Variants in TRMT11 observed in about 807,000 individuals in gnomAD.
TRMT11 encodes the protein tRNA methyltransferase 11.
In TRMT11, 53 loss-of-function variants were observed where a neutral mutation model predicts 62.8. That is an observed-to-expected ratio of 0.84 (90% CI 0.68 to 1.06). The LOEUF is 1.06. TRMT11 is among the 50% of genes least tolerant of loss of function. TRMT11 has a pLI of 0.00. For missense variants in TRMT11, 556 were observed against 553.4 expected (o/e 1.00, Z -0.05); for synonymous variants, 188 against 190.3 (o/e 0.99, Z 0.10).
chr6:126,038,441 A>AT (rs759593370), intron 12 of TRMT11, among the ~76,000 whole-genome samples: 2 of 147,952 alleles, frequency 1.4e-5, no homozygotes, highest in East Asian at 3.9e-4. Flanking sequence ...CTGAGGCAAA[A>AT]AAAAAAAAAA....
At chr6:126,046,901 A>G (rs1776076826) in intron 16 of TRMT11, among the ~76,000 whole-genome samples, 1 of 152,208 alleles carries the variant, frequency 6.6e-6, no homozygotes. Context: ...CCAACCAGAA[A>G]GAGCCCCATT....
intron 6 of TRMT11, 42 bp downstream of exon 6, chr6:125,998,726 G>T (rs766209486): frequency 2.5e-6 from 4 of 1,598,360 alleles, no homozygotes; most frequent in Non-Finnish European, 3.4e-6. Flanking sequence ...TTGTTTTTTT[G>T]AAAGCTACTT....
At chr6:126,222,541 T>C in the TRMT11 span, among the ~76,000 whole-genome samples, 1 of 152,198 alleles carries the variant, frequency 6.6e-6, no homozygotes, top group Non-Finnish European at 1.5e-5. Context: ...TGTTTCACCT[T>C]CTCGGTTAGC....
At chr6:126,133,052 A>G (rs368026583) in intron 21 of TRMT11, among the ~76,000 whole-genome samples, 46 of 152,032 alleles carry the variant, frequency 3.0e-4, no homozygotes, top group East Asian at 1.2e-3. Context: ...AACCCATTTT[A>G]TAAGTCTTTT....
At chr6:126,032,717 G>T (rs867071375) in intron 12 of TRMT11, among the ~76,000 whole-genome samples, 11 of 152,088 alleles carry the variant, frequency 7.2e-5, no homozygotes, top group African/African-American at 2.7e-4. Context: ...TTTAATGTCT[G>T]TCTCTCCCAC....
chr6:126,128,010 G>A (rs543086884), intron 21 of TRMT11, among the ~76,000 whole-genome samples: 2 of 152,158 alleles, frequency 1.3e-5, no homozygotes, highest in African/African-American at 2.4e-5. Context: ...TATTGTACGT[G>A]CTTTAGAAAG....
chr6:126,056,718 G>A (rs897725817), intron 17 of TRMT11, among the ~76,000 whole-genome samples: 3 of 152,252 alleles, frequency 2.0e-5, no homozygotes, highest in Non-Finnish European at 4.4e-5. Context: ...TTGAGGCAGA[G>A]CTTGCCATTT....
At chr6:126,239,783 G>C in the TRMT11 span, among the ~76,000 whole-genome samples, 2 of 152,190 alleles carry the variant, frequency 1.3e-5, no homozygotes, top group Non-Finnish European at 2.9e-5. Flanking sequence ...AGTTCTCCTG[G>C]ATAGTATCCT....
chr6:126,247,108 T>C, the TRMT11 span, among the ~76,000 whole-genome samples: 28 of 152,332 alleles, frequency 1.8e-4, no homozygotes, highest in African/African-American at 5.1e-4. Context: ...TGTTCCTCGC[T>C]GTATGGGCTT....
At chr6:126,107,734 C>T (rs1041469318) in intron 17 of TRMT11, among the ~76,000 whole-genome samples, 1 of 152,168 alleles carries the variant, frequency 6.6e-6, no homozygotes, top group Non-Finnish European at 1.5e-5. Flanking sequence ...GCCCAATAAC[C>T]TTTTCCTTAT....
chr6:125,990,066 A>G (rs1790349070), intron 1 of TRMT11, among the ~76,000 whole-genome samples: 1 of 152,168 alleles, frequency 6.6e-6, no homozygotes, highest in South Asian at 2.1e-4. Flanking sequence ...CTCCTCTGCC[A>G]AAATTCTTAT....
At chr6:126,014,760 GT>G (rs914534985) in intron 11 of TRMT11, among the ~76,000 whole-genome samples, 52 of 151,604 alleles carry the variant, frequency 3.4e-4, no homozygotes, top group African/African-American at 1.2e-3. Flanking sequence ...TTAACACTGA[GT>G]TTTTTTTTGT....
chr6:126,158,338 G>T (rs1562336545), intron 21 of TRMT11, among the ~76,000 whole-genome samples: 1 of 152,118 alleles, frequency 6.6e-6, no homozygotes, highest in Non-Finnish European at 1.5e-5. Context: ...GCATGCTCAT[G>T]GTATAGTTTG....
the TRMT11 span, among the ~76,000 whole-genome samples, chr6:126,250,930 C>T: frequency 6.6e-6 from 1 of 151,924 alleles, no homozygotes; most frequent in Non-Finnish European, 1.5e-5. Context: ...GTTGATTGTC[C>T]TTAATAACTA....
At chr6:126,040,797 G>A (rs549269096), downstream of TRMT11, among the ~76,000 whole-genome samples, 7 of 152,150 alleles carry the variant, frequency 4.6e-5, no homozygotes, top group South Asian at 2.1e-4. Flanking sequence ...AACTCCAGAC[G>A]GTTACCTTGG....
At position 126,178,967 on chromosome 6, in the gene TRMT11, G is replaced by A. The variant is rs928164164; in HGVS notation, n.143+1632G>A. ...TCTCTTTATTCTTATTGTCTATCAG[G>A]GTATATAGGAGGGGTAATTTTAGGA... On this transcript the variant is annotated intron_variant and non_coding_transcript_variant, in intron 1 of 3. Transcript: ENST00000444229. 2.0e-5 allele frequency among the ~76,000 whole-genome samples: 3 copies of A among 152,078 alleles called. No individual in the cohort carries two copies. In the East Asian group the frequency reaches 5.8e-4, roughly 29 times the overall value.
intron 21 of TRMT11, among the ~76,000 whole-genome samples, chr6:126,133,942 G>C (rs1343491676): frequency 6.6e-6 from 1 of 151,768 alleles, no homozygotes; most frequent in Non-Finnish European, 1.5e-5. Flanking sequence ...AGAATTCCTT[G>C]AGCAAACCTT....
At chr6:126,045,673 A>G (rs1242478298) in intron 16 of TRMT11, among the ~76,000 whole-genome samples, 2 of 152,184 alleles carry the variant, frequency 1.3e-5, no homozygotes, top group South Asian at 4.2e-4. Flanking sequence ...CTTCAAGTCC[A>G]CCCCACTATA....
intron 1 of TRMT11, among the ~76,000 whole-genome samples, chr6:126,191,610 G>A (rs189894104): frequency 1.2e-4 from 18 of 151,364 alleles, no homozygotes; most frequent in African/African-American, 4.4e-4. Flanking sequence ...TCTAATTTGT[G>A]TTGATTTTTG....
Sources: allele counts gnomAD v4.1 joint callset (sites outside exome capture counted in the v4.1 genomes callset), GRCh38; gene constraint gnomAD v4.1.1; transcripts MANE v1.5; gene names NCBI Gene and HGNC (gene_info 2026-07-23, HGNC 2026-07-21).